CSMD1: variants seen among roughly 807,000 people sequenced by gnomAD.
CSMD1 encodes CUB and sushi domain-containing protein 1.
A neutral mutation model predicts 417.5 loss-of-function variants in CSMD1; 213 were observed. The ratio of observed to expected loss-of-function variants is 0.51; its 90% CI spans 0.46 to 0.57. The LOEUF is 0.57. CSMD1 is among the 20% of genes least tolerant of loss of function. The probability of loss-of-function intolerance (pLI) is 0.00; values close to 1 mark genes in which losing one functional copy is unlikely to be tolerated. For missense variants in CSMD1, 6,923 were observed against 4,529.7 expected (o/e 1.53, Z -15.17); for synonymous variants, 2,862 against 1,736.8 (o/e 1.65, Z -16.11).
rs973242177 is a variant in CSMD1 at position 4,897,600 on chromosome 8, A to G, written c.85+96732T>C. ...GTTTTATAAATTCTTAGTGACCAAT[A>G]CAATTCAAAACTCATTATTTGTCAT... On this transcript the variant is annotated intron_variant, in intron 1 of 69. Coordinates refer to ENST00000635120, the MANE Select transcript of CSMD1 (RefSeq NM_033225.6). 3.9e-5 allele frequency among the ~76,000 whole-genome samples: 6 copies of G among 152,156 alleles called. 1 individual carries two copies. The South Asian group carries it at 6.2e-4, about 16-fold the overall frequency.
chr8:4,311,956 C>G (rs79357464), intron 3 of CSMD1, among the ~76,000 whole-genome samples: 7,152 of 151,934 alleles, frequency 0.047, 394 homozygotes, highest in East Asian at 0.22. Flanking sequence ...ATCCCTAAAC[C>G]TGAAACTTAG....
chr8:2,986,011 G>A (rs1203229542), intron 54 of CSMD1, among the ~76,000 whole-genome samples: 1 of 143,074 alleles, frequency 7.0e-6, no homozygotes, highest in Non-Finnish European at 1.5e-5. Flanking sequence ...GAAGGGGAGA[G>A]AGGGAGGGAG....
intron 3 of CSMD1, among the ~76,000 whole-genome samples, chr8:4,081,695 T>A (rs1213620141): frequency 1.3e-5 from 2 of 152,340 alleles, no homozygotes; most frequent in Admixed American, 1.3e-4. Flanking sequence ...CCAAAACATT[T>A]AAATTCTAAA....
chr8:3,391,536 T>C lies in CSMD1; in HGVS notation c.2594-3854A>G, dbSNP rs373483519. Among the ~76,000 whole-genome samples, 177 of 152,282 alleles carry C rather than the reference T, an allele frequency of 1.2e-3. 5 individuals carry two copies. The South Asian group carries it at 0.033, about 29-fold the overall frequency. ...TACAGACACTGTGCCACATTCCTCG[T>C]AAAGAATGGCTAGACTGTCGCTGGA... On this transcript the variant is annotated intron_variant, in intron 17 of 69. Coordinates refer to ENST00000635120, the MANE Select transcript of CSMD1 (RefSeq NM_033225.6).
chr8:4,599,755 C>A (rs1800486699), intron 2 of CSMD1, among the ~76,000 whole-genome samples: 1 of 152,148 alleles, frequency 6.6e-6, no homozygotes, highest in Admixed American at 6.5e-5. Context: ...ACAATGGTAA[C>A]AATAATTCTC....
chr8:3,438,263 C>T (rs959942033), intron 12 of CSMD1, among the ~76,000 whole-genome samples: 3 of 152,150 alleles, frequency 2.0e-5, no homozygotes, highest in Non-Finnish European at 2.9e-5. Flanking sequence ...TTACAAAGAT[C>T]TTGTGTAACC....
intron 54 of CSMD1, among the ~76,000 whole-genome samples, chr8:2,987,548 T>C (rs1806029163): frequency 6.6e-6 from 1 of 152,094 alleles, no homozygotes. Context: ...TTTTGAAAGA[T>C]GATTGATACA....
At position 3,393,556 on chromosome 8, in the gene CSMD1, C is replaced by G. The variant is rs544749282; in HGVS notation, c.2593+2638G>C. On this transcript the variant is annotated intron_variant, in intron 17 of 69. Transcript: ENST00000635120. ...GAAGTGTCTGTTCATATCCTTCACC[C>G]ACTTTCACAATAGCAAAGACTTGGA... is the stretch of plus-strand genomic sequence containing the variant. 3.9e-5 allele frequency among the ~76,000 whole-genome samples: 6 copies of G among 152,182 alleles called. No individual in the cohort carries two copies. The East Asian group carries it at 1.2e-3, about 29-fold the overall frequency.
At chr8:4,453,523 C>T (rs868561732) in intron 2 of CSMD1, among the ~76,000 whole-genome samples, 10 of 152,206 alleles carry the variant, frequency 6.6e-5, no homozygotes, top group African/African-American at 1.9e-4. Context: ...GCATCAGATT[C>T]CTGCAGAGAA....
intron 39 of CSMD1, among the ~76,000 whole-genome samples, chr8:3,153,316 C>T (rs886512947): frequency 3.9e-5 from 6 of 152,170 alleles, no homozygotes; most frequent in African/African-American, 1.4e-4. Flanking sequence ...CAAGAAACAA[C>T]CATAAAAATG....
intron 3 of CSMD1, among the ~76,000 whole-genome samples, chr8:4,097,195 T>C (rs1341712271): frequency 1.3e-5 from 2 of 152,150 alleles, no homozygotes; most frequent in Non-Finnish European, 2.9e-5. Flanking sequence ...CAATTGCTGA[T>C]TGAATGAATC....
chr8:4,531,775 T>A (rs949079862), intron 2 of CSMD1, among the ~76,000 whole-genome samples: 6 of 152,222 alleles, frequency 3.9e-5, no homozygotes, highest in Non-Finnish European at 8.8e-5. Context: ...CTGGTGCTTT[T>A]TAGTATATGT....
At chr8:4,167,344 G>T (rs1306972578) in intron 3 of CSMD1, among the ~76,000 whole-genome samples, 1 of 152,172 alleles carries the variant, frequency 6.6e-6, no homozygotes, top group Non-Finnish European at 1.5e-5. Flanking sequence ...AAGACTTTGT[G>T]AAGGGTGCCT....
At chr8:4,176,362 AC>A (rs1304421029) in intron 3 of CSMD1, among the ~76,000 whole-genome samples, 1 of 152,102 alleles carries the variant, frequency 6.6e-6, no homozygotes, top group Non-Finnish European at 1.5e-5. Flanking sequence ...TAGTATGACA[AC>A]AATCTACACT....
chr8:3,623,261 A>C (rs1358610745), intron 7 of CSMD1, among the ~76,000 whole-genome samples: 3 of 152,198 alleles, frequency 2.0e-5, no homozygotes, highest in Non-Finnish European at 4.4e-5. Context: ...AAACCTTGTG[A>C]CTCTGCAGGG....
chr8:2,939,503 A>G (rs1801715988), intron 69 of CSMD1, among the ~76,000 whole-genome samples: 1 of 152,244 alleles, frequency 6.6e-6, no homozygotes, highest in South Asian at 2.1e-4. Context: ...TTTCAGACTG[A>G]AAAGACAGAA....
At chr8:4,931,160 T>A (rs950408070) in intron 1 of CSMD1, among the ~76,000 whole-genome samples, 2 of 152,208 alleles carry the variant, frequency 1.3e-5, no homozygotes, top group African/African-American at 4.8e-5. Flanking sequence ...AATTTGTGTC[T>A]TATATGAAAT....
chr8:3,703,071 A>C, intron 7 of CSMD1, among the ~76,000 whole-genome samples: 1 of 152,334 alleles, frequency 6.6e-6, no homozygotes, highest in East Asian at 1.9e-4. Context: ...TAAAATACTT[A>C]GATATTTAAG....
intron 5 of CSMD1, among the ~76,000 whole-genome samples, chr8:3,897,241 C>A (rs950034240): frequency 1.3e-5 from 2 of 152,162 alleles, no homozygotes; most frequent in Non-Finnish European, 2.9e-5. Flanking sequence ...CCTACCCTTT[C>A]TACAGAGACA....
Sources: gnomAD v4.1 joint callset for allele counts (sites outside exome capture counted in the v4.1 genomes callset) on GRCh38, gnomAD v4.1.1 for gene constraint, MANE v1.5 for transcripts, NCBI Gene and HGNC (gene_info 2026-07-23, HGNC 2026-07-21) for gene names.